Variants in COL5A1 observed in about 807,000 individuals in gnomAD.
COL5A1 encodes the protein collagen type V alpha 1 chain.
COL5A1 carries 16 observed loss-of-function variants against 263.7 expected under a neutral mutation model. The ratio of observed to expected loss-of-function variants is 0.06; its 90% CI spans 0.04 to 0.09. COL5A1 has a LOEUF of 0.09. COL5A1 is among the 10% of genes least tolerant of loss of function. COL5A1 has a pLI of 1.00. For missense variants in COL5A1, 2,036 were observed against 2,540.5 expected, an observed-to-expected ratio of 0.80 and a Z score of 4.27; for synonymous variants, 1,012 against 1,004.5, an observed-to-expected ratio of 1.01 and a Z score of -0.14.
At chr9:134,806,659 G>A (rs982035631) in intron 42 of COL5A1, among the ~76,000 whole-genome samples, 7 of 152,196 alleles carry the variant, frequency 4.6e-5, no homozygotes, top group Non-Finnish European at 7.3e-5. Context: ...CTTGGTCTCC[G>A]TCCAGCCTCA....
chr9:134,820,379 G>A (rs1010515571), intron 58 of COL5A1, among the ~76,000 whole-genome samples, 156 bp downstream of exon 58: 8 of 152,318 alleles, frequency 5.3e-5, no homozygotes, highest in Non-Finnish European at 1.0e-4. Context: ...GAACACTGAC[G>A]GGCTGGGCTT....
intron 63 of COL5A1, among the ~76,000 whole-genome samples, chr9:134,829,137 C>CATTT (rs1839461815): frequency 6.6e-6 from 1 of 152,186 alleles, no homozygotes; most frequent in Admixed American, 6.5e-5. Flanking sequence ...TTCATTCATT[C>CATTT]GTTCATTCCC....
At chr9:134,643,181 G>T (rs1457645303) in intron 1 of COL5A1, among the ~76,000 whole-genome samples, 1 of 152,168 alleles carries the variant, frequency 6.6e-6, no homozygotes, top group Non-Finnish European at 1.5e-5. Context: ...GCAGCTTCCT[G>T]ACGGGGGAGT....
chr9:134,663,036 T>C (rs1478321823), intron 1 of COL5A1, among the ~76,000 whole-genome samples: 1 of 152,256 alleles, frequency 6.6e-6, no homozygotes, highest in African/African-American at 2.4e-5. Context: ...GCATGTACGA[T>C]GTCAAAGGCC....
chr9:134,801,848 T>TC, intron 37 of COL5A1, 106 bp from the exon 38 acceptor site: 1 of 918,098 alleles, frequency 1.1e-6, no homozygotes, highest in East Asian at 2.8e-5. Context: ...GAACATCTAC[T>TC]CTGGGGGGAA....
intron 1 of COL5A1, among the ~76,000 whole-genome samples, chr9:134,662,907 T>A (rs536871933): frequency 5.8e-4 from 89 of 152,352 alleles, no homozygotes; most frequent in African/African-American, 1.9e-3. Flanking sequence ...CTCATCTGCC[T>A]CGTTAGCAGA....
Position 134,785,012 on chromosome 9 carries a change from C to T in COL5A1, c.2508C>T (p.Pro836=), listed in dbSNP as rs373285312. The change falls in exon 30 of 66, where the codon CCC becomes CCT. Residue 836 remains proline, a synonymous_variant. Transcript: ENST00000371817. ...AGGGGGAGATCGGCCCACCCGGTCC[C>T]AGGGGAGAAGATGGCCCTGAAGGCC... ...GDRGEIGPPG[P]RGEDGPEGPK... The T allele has an allele frequency of 3.1e-6, 5 of 1,613,374 alleles. No homozygotes were observed. The highest frequency in any genetic ancestry group is 4.2e-6 in the Non-Finnish European group (5 of 1,180,004).
intron 31 of COL5A1, among the ~76,000 whole-genome samples, chr9:134,787,287 A>C (rs1837494535): frequency 6.6e-6 from 1 of 152,244 alleles, no homozygotes; most frequent in African/African-American, 2.4e-5. Context: ...AGCCATCAGC[A>C]CAGTGACCCG....
At chr9:134,753,800 TC>T (rs1588505747) in intron 14 of COL5A1, 49 bp from the exon 15 acceptor site, 1 of 1,388,904 alleles carries the variant, frequency 7.2e-7, no homozygotes, top group Non-Finnish European at 1.0e-6. Flanking sequence ...CTTCCTGTGT[TC>T]TCGAGTCCCC....
chr9:134,800,814 G>C (rs1427745607), intron 37 of COL5A1, among the ~76,000 whole-genome samples: 2 of 151,728 alleles, frequency 1.3e-5, no homozygotes, highest in African/African-American at 4.9e-5. Flanking sequence ...CCGTGGCTTG[G>C]TGTGAGGTTT....
At chr9:134,779,095 C>CGTCCT (rs1286772591) in intron 27 of COL5A1, among the ~76,000 whole-genome samples, 1 of 152,244 alleles carries the variant, frequency 6.6e-6, no homozygotes, top group African/African-American at 2.4e-5. Flanking sequence ...GCAGGCCCTG[C>CGTCCT]GTCCTCCAGT....
intron 24 of COL5A1, among the ~76,000 whole-genome samples, chr9:134,767,908 C>T (rs1409700506): frequency 7.2e-5 from 11 of 152,182 alleles, no homozygotes; most frequent in South Asian, 4.1e-4. Context: ...TGAGAATCCC[C>T]GGGGGGCCTG....
In COL5A1 at chr9:134,818,732, C is replaced by T. The variant is rs752334702; in HGVS notation, c.4307C>T (p.Pro1436Leu). 139 of 1,611,614 alleles carry T rather than the reference C, an allele frequency of 8.6e-5. No individual in the cohort carries two copies. The highest frequency in any genetic ancestry group is 1.1e-4 in the Non-Finnish European group (127 of 1,179,384). Residue 1436 changes from proline to leucine, a missense_variant, in exon 55 of 66, where the codon CCG (proline) becomes CTG (leucine). Pro to Leu is a moderately conservative substitution (Grantham distance 98). Around this residue, in one of 3 missense-constraint regions of COL5A1, gnomAD observed 1,078 missense variants for 1,521.4 expected, o/e 0.71. Coordinates refer to ENST00000371817, the MANE Select transcript of COL5A1 (RefSeq NM_000093.5). The surrounding 1 kb of genome is among the most constrained non-coding windows in gnomAD (Gnocchi z 6.0). ...GPQGAPGKPG[P>L]DGLRGIPGPV... ...CAGGGGGCCCCTGGGAAGCCCGGAC[C>T]GGATGGCCTTCGAGGGATCCCTGGC...
intron 11 of COL5A1, among the ~76,000 whole-genome samples, chr9:134,743,615 C>A (rs1040298523): frequency 6.6e-6 from 1 of 152,160 alleles, no homozygotes; most frequent in East Asian, 1.9e-4. Flanking sequence ...AGGGGCACCT[C>A]GCTCCCTGCA....
chr9:134,754,378 G>A lies in COL5A1; in HGVS notation c.1827+52G>A, dbSNP rs1275025702. The A allele has an allele frequency of 1.2e-6, 2 of 1,609,250 alleles. No individual in the cohort carries two copies. The highest frequency in any genetic ancestry group is 2.2e-5 in the East Asian group (1 of 44,842). On this transcript the variant is annotated intron_variant, in intron 16 of 65. Transcript: ENST00000371817. The surrounding 1 kb of genome is among the most constrained non-coding windows in gnomAD (Gnocchi z 4.3). ...AGTGACAGCAGCTTGGGCGCTGGAG[G>A]AGCCCAAATCTGGGGTGCGGGCACC...
At chr9:134,690,475 G>A (rs1833239984) in intron 1 of COL5A1, among the ~76,000 whole-genome samples, 1 of 152,206 alleles carries the variant, frequency 6.6e-6, no homozygotes, top group African/African-American at 2.4e-5. Context: ...GCCTTCTGTG[G>A]CCTTCCAGCA....
intron 16 of COL5A1, among the ~76,000 whole-genome samples, chr9:134,756,514 T>C (rs541849058): frequency 6.6e-6 from 1 of 152,200 alleles, no homozygotes; most frequent in African/African-American, 2.4e-5. Flanking sequence ...GATCCCCCTT[T>C]GACAGTCTGG....
chr9:134,699,188 G>C (rs1833582424), intron 2 of COL5A1, among the ~76,000 whole-genome samples: 1 of 152,218 alleles, frequency 6.6e-6, no homozygotes, highest in Non-Finnish European at 1.5e-5. Flanking sequence ...GATATGTGGA[G>C]TGGGCTTAGG....
At chr9:134,787,885 G>A (rs1837520837) in intron 31 of COL5A1, among the ~76,000 whole-genome samples, 1 of 152,238 alleles carries the variant, frequency 6.6e-6, no homozygotes, top group African/African-American at 2.4e-5. Flanking sequence ...GGTGGCAGGG[G>A]AGGGAGCATG....
Sources: allele counts gnomAD v4.1 joint callset (sites outside exome capture counted in the v4.1 genomes callset), GRCh38; gene constraint gnomAD v4.1.1; regional missense constraint gnomAD v4.1.1; non-coding constraint Gnocchi (gnomAD v3.1); transcripts MANE v1.5; gene names NCBI Gene and HGNC (gene_info 2026-07-23, HGNC 2026-07-21).